MICU2: variants seen among roughly 807,000 people sequenced by gnomAD.
MICU2 encodes calcium uptake protein 2, mitochondrial.
MICU2 carries 64 observed loss-of-function variants against 60.4 expected under a neutral mutation model. The observed-to-expected ratio is 1.06, with a 90% CI of 0.87 to 1.31. The LOEUF is 1.31. Among genes scored for constraint, MICU2 ranks in the 50% most tolerant of loss-of-function variants. The pLI, the probability that MICU2 is intolerant of heterozygous loss-of-function variation, is 0.00. For missense variants in MICU2, 569 were observed against 531.0 expected (o/e 1.07, Z -0.70); for synonymous variants, 201 against 175.0 (o/e 1.15, Z -1.17).
At chr13:21,581,647 C>T (rs573304688) in intron 1 of MICU2, among the ~76,000 whole-genome samples, 15 of 151,532 alleles carry the variant, frequency 9.9e-5, no homozygotes, top group Non-Finnish European at 1.8e-4. Context: ...AAGTAGTGCA[C>T]GTTAGAATAA....
At chr13:21,580,601 A>T (rs191929895) in intron 1 of MICU2, among the ~76,000 whole-genome samples, 30 of 152,108 alleles carry the variant, frequency 2.0e-4, no homozygotes, top group African/African-American at 6.8e-4. Context: ...AATATTTAAG[A>T]GTAACTCTTA....
intron 1 of MICU2, among the ~76,000 whole-genome samples, chr13:21,595,058 A>G (rs952439739): frequency 6.6e-6 from 1 of 152,264 alleles, no homozygotes; most frequent in Admixed American, 6.5e-5. Flanking sequence ...TATTTTAAGA[A>G]TAAAAACCAG....
At chr13:21,539,033 C>T (rs773616203) in intron 4 of MICU2, among the ~76,000 whole-genome samples, 2 of 131,324 alleles carry the variant, frequency 1.5e-5, no homozygotes, top group East Asian at 4.4e-4. Flanking sequence ...TCCGTCCACT[C>T]CCCTAAGTGG....
intron 1 of MICU2, among the ~76,000 whole-genome samples, chr13:21,577,240 T>A (rs192045822): frequency 4.3e-4 from 66 of 152,332 alleles, no homozygotes; most frequent in African/African-American, 1.5e-3. Flanking sequence ...TTACATTAAC[T>A]TGAGTAAACC....
chr13:21,586,592 T>G (rs1888462647), intron 1 of MICU2, among the ~76,000 whole-genome samples: 1 of 152,140 alleles, frequency 6.6e-6, no homozygotes, highest in South Asian at 2.1e-4. Flanking sequence ...TCTATTTTTT[T>G]GTAAAGATGA....
chr13:21,563,161 CT>C (rs551798727), intron 2 of MICU2, among the ~76,000 whole-genome samples: 10 of 152,120 alleles, frequency 6.6e-5, no homozygotes, highest in African/African-American at 2.4e-4. Flanking sequence ...CTTCTGTTCT[CT>C]AAAATTTTTC....
intron 2 of MICU2, among the ~76,000 whole-genome samples, chr13:21,542,256 T>C (rs1470822500): frequency 6.6e-6 from 1 of 152,242 alleles, no homozygotes; most frequent in Non-Finnish European, 1.5e-5. Context: ...AAGAGGTCCA[T>C]GGTCTGACCT....
Position 21,510,008 on chromosome 13 carries a change from G to C in MICU2, c.757C>G (p.Arg253Gly), listed in dbSNP as rs772353232. Residue 253 changes from arginine (R) to glycine (G), a missense_variant, in exon 8 of 12, where the codon CGA becomes GGA. Physicochemically the swap from Arg to Gly is moderately radical, Grantham distance 125. Transcript: ENST00000382374. ...GQRKLHYKEF[R>G]RFMENLQTEI... ...AATGTAAATATTTGCATTTACCTTC[G>C]AAATTCTTTATAATGAAGTTTTCTT... is the stretch of plus-strand genomic sequence containing the variant. 16 of 1,519,160 alleles carry C rather than the reference G, an allele frequency of 1.1e-5. No individual in the cohort carries two copies. Among genetic ancestry groups the C allele is most frequent in the African/African-American group, 4.3e-5 (3 of 69,480 alleles). The allele number at this position is 1,519,160 out of a possible 1,614,324, so 94.1% of individuals were successfully genotyped here. A position where few individuals can be genotyped will look rare whatever the true frequency, so the allele number is the denominator to read the frequency against.
At chr13:21,563,604 C>T (rs11148158) in intron 2 of MICU2, among the ~76,000 whole-genome samples, 52,634 of 151,742 alleles carry the variant, frequency 0.35, 9,493 homozygotes, top group South Asian at 0.41. Context: ...ATTTCAAATA[C>T]TTCTTTTCCT....
chr13:21,551,481 C>T (rs559426769), intron 2 of MICU2: 1 of 151,982 alleles, frequency 6.6e-6, no homozygotes, highest in African/African-American at 2.4e-5. Flanking sequence ...TACATGTGCA[C>T]AATGTGCAGG....
intron 1 of MICU2, among the ~76,000 whole-genome samples, chr13:21,593,045 G>C (rs920277416): frequency 2.0e-5 from 3 of 152,074 alleles, no homozygotes; most frequent in African/African-American, 7.2e-5. Context: ...AGAAATAAAG[G>C]GTATTCGAAT....
At chr13:21,593,590 A>AAAAAAAC (rs1888632798) in intron 1 of MICU2, among the ~76,000 whole-genome samples, 2 of 150,378 alleles carry the variant, frequency 1.3e-5, no homozygotes, top group Admixed American at 6.6e-5. Flanking sequence ...AAAAAAAAAA[A>AAAAAAAC]AAAACAAAGC....
chr13:21,554,074 A>G (rs574300719), intron 2 of MICU2, among the ~76,000 whole-genome samples: 1 of 152,308 alleles, frequency 6.6e-6, no homozygotes, highest in African/African-American at 2.4e-5. Context: ...CTCCCACACA[A>G]TAATAATGGG....
chr13:21,522,483 G>A, intron 5 of MICU2, 120 bp downstream of exon 5: 1 of 721,182 alleles, frequency 1.4e-6, no homozygotes. Flanking sequence ...TGCAGATATA[G>A]AAACTAAGGC....
At chr13:21,518,587 A>G (rs1886639224) in intron 6 of MICU2, among the ~76,000 whole-genome samples, 1 of 152,218 alleles carries the variant, frequency 6.6e-6, no homozygotes, top group Admixed American at 6.5e-5. Context: ...AAAAACAGAA[A>G]TAAAATCCTC....
rs148768703 is a variant in MICU2 at position 21,555,936 on chromosome 13, T to G, written c.358+10861A>C. ...CACTGTGCTCTCAAACTCTTTTCCCTCTTGTCTTCACAAGGACTGTGTTTT... is the reference window on the plus strand; with the variant it reads ...CACTGTGCTCTCAAACTCTTTTCCCGCTTGTCTTCACAAGGACTGTGTTTT... On this transcript the variant is annotated intron_variant, in intron 2 of 11. Coordinates refer to ENST00000382374, the MANE Select transcript of MICU2 (RefSeq NM_152726.3). Among the ~76,000 whole-genome samples, 484 of 152,306 alleles carry G rather than the reference T, an allele frequency of 3.2e-3. 3 individuals carry two copies. The highest frequency in any genetic ancestry group is 5.3e-3 in the Non-Finnish European group (358 of 68,030).
chr13:21,553,036 A>G (rs1428934904), intron 2 of MICU2, among the ~76,000 whole-genome samples: 1 of 152,132 alleles, frequency 6.6e-6, no homozygotes, highest in East Asian at 1.9e-4. Context: ...GGCCATTTTC[A>G]TGATATTGAT....
intron 2 of MICU2, among the ~76,000 whole-genome samples, chr13:21,562,873 C>T (rs1006647760): frequency 6.6e-6 from 1 of 152,136 alleles, no homozygotes; most frequent in Admixed American, 6.5e-5. Flanking sequence ...CCTGATATAT[C>T]GTTTTCCTTC....
chr13:21,549,431 T>G (rs146028863), intron 2 of MICU2, among the ~76,000 whole-genome samples: 6 of 152,270 alleles, frequency 3.9e-5, no homozygotes, highest in African/African-American at 1.4e-4. Context: ...AATTTAAGAT[T>G]CATTTGTGGA....
Sources: allele counts gnomAD v4.1 joint callset (sites outside exome capture counted in the v4.1 genomes callset), GRCh38; gene constraint gnomAD v4.1.1; transcripts MANE v1.5; gene names NCBI Gene and HGNC (gene_info 2026-07-23, HGNC 2026-07-21).